CCDC171: variants seen among roughly 807,000 people sequenced by gnomAD.
CCDC171 encodes coiled-coil domain containing 171, also known as coiled-coil domain-containing protein 171.
In CCDC171, 177 loss-of-function variants were observed where a neutral mutation model predicts 168.2. The ratio of observed to expected loss-of-function variants is 1.05; its 90% CI spans 0.93 to 1.19. The LOEUF is 1.19. Among genes scored for constraint, CCDC171 ranks in the 50% most tolerant of loss-of-function variants. The pLI is 0.00. For missense variants in CCDC171, 1,991 were observed against 1,539.0 expected (o/e 1.29, Z -4.91); for synonymous variants, 687 against 540.8 (o/e 1.27, Z -3.75).
At chr9:16,061,559 A>T (rs1314984475), downstream of CCDC171, 2 of 152,208 alleles carry the variant, frequency 1.3e-5, no homozygotes, top group Admixed American at 1.3e-4. Context: ...ATAAGAAAAA[A>T]GTATAACTAA....
Position 15,571,687 on chromosome 9 carries a change from T to C in CCDC171, c.105T>C (p.Thr35=). The change falls in exon 3 of 26, where the codon ACT becomes ACC. Residue 35 remains threonine (T), a synonymous_variant. Coordinates refer to ENST00000380701, the MANE Select transcript of CCDC171 (RefSeq NM_173550.4). ...ILKNETELDI[T]DNLRKKLHWA... is the part of the protein sequence containing the mutation. The stretch of plus-strand genomic sequence containing the variant: ...AAAATGAAACAGAGTTGGATATTAC[T>C]GATAATCTCAGGAAGAAACTCCATT... The C allele has an allele frequency of 6.3e-7, 1 of 1,583,080 alleles. No homozygotes were observed. The highest frequency in any genetic ancestry group is 8.5e-7 in the Non-Finnish European group (1 of 1,169,762).
intron 7 of CCDC171, among the ~76,000 whole-genome samples, chr9:15,646,489 G>A (rs1013495001): frequency 6.6e-6 from 1 of 152,290 alleles, no homozygotes. Flanking sequence ...CCATCAGTGT[G>A]CTGTATTCAG....
intron 3 of CCDC171, among the ~76,000 whole-genome samples, chr9:15,998,543 T>C (rs980423564): frequency 6.6e-5 from 10 of 152,162 alleles, no homozygotes; most frequent in Non-Finnish European, 1.3e-4. Context: ...AAACTATTAG[T>C]CTTTCCAGGA....
chr9:15,554,220 C>T (rs1185839855), intron 1 of CCDC171, among the ~76,000 whole-genome samples: 1 of 152,162 alleles, frequency 6.6e-6, no homozygotes, highest in Non-Finnish European at 1.5e-5. Flanking sequence ...CGGGGTTTCA[C>T]TGTGTTAGCC....
At chr9:15,945,727 G>C (rs1014283776) in intron 25 of CCDC171, among the ~76,000 whole-genome samples, 2 of 150,984 alleles carry the variant, frequency 1.3e-5, no homozygotes, top group Non-Finnish European at 3.0e-5. Context: ...TGATGGGGTT[G>C]TTTGTTTTTT....
intron 1 of CCDC171, among the ~76,000 whole-genome samples, chr9:16,047,291 C>G (rs1009946931): frequency 6.6e-6 from 1 of 152,146 alleles, no homozygotes; most frequent in Admixed American, 6.5e-5. Flanking sequence ...TGGTCTCTTT[C>G]CAGTTGATGG....
At chr9:16,065,790 C>T (rs192364569), downstream of CCDC171, among the ~76,000 whole-genome samples, 5 of 145,060 alleles carry the variant, frequency 3.4e-5, no homozygotes, top group East Asian at 1.0e-3. Flanking sequence ...TCAGCACCCA[C>T]CTATGGGTTT....
chr9:16,107,382 T>C, the CCDC171 span, among the ~76,000 whole-genome samples: 202 of 152,318 alleles, frequency 1.3e-3, 1 homozygote, highest in African/African-American at 4.8e-3. Flanking sequence ...ATCTGAGCTC[T>C]ATATGTAAAA....
intron 18 of CCDC171, among the ~76,000 whole-genome samples, chr9:15,752,561 C>T (rs1039781252): frequency 5.9e-5 from 9 of 152,064 alleles, no homozygotes; most frequent in African/African-American, 2.2e-4. Context: ...TACTATGCAG[C>T]CACAAAAAGG....
chr9:15,746,846 C>T (rs551913370), intron 18 of CCDC171, among the ~76,000 whole-genome samples: 97 of 152,274 alleles, frequency 6.4e-4, no homozygotes, highest in African/African-American at 2.3e-3. Flanking sequence ...CGTTTCCTAG[C>T]CAAGGGAAGC....
At chr9:16,006,442 T>A (rs918285093) in intron 3 of CCDC171, among the ~76,000 whole-genome samples, 2 of 152,244 alleles carry the variant, frequency 1.3e-5, no homozygotes, top group African/African-American at 4.8e-5. Flanking sequence ...TTTCTTTTTA[T>A]TATTATACTT....
At chr9:16,005,931 A>G (rs946244746) in intron 3 of CCDC171, among the ~76,000 whole-genome samples, 1 of 151,900 alleles carries the variant, frequency 6.6e-6, no homozygotes, top group Non-Finnish European at 1.5e-5. Context: ...ATTTTTTGAG[A>G]TGGAGTCTCG....
chr9:15,825,211 G>A (rs1481050767), intron 21 of CCDC171, among the ~76,000 whole-genome samples: 1 of 152,046 alleles, frequency 6.6e-6, no homozygotes, highest in Non-Finnish European at 1.5e-5. Context: ...GATTGCTATA[G>A]TCTCCTGCAT....
At chr9:15,809,961 G>T (rs544948922) in intron 21 of CCDC171, among the ~76,000 whole-genome samples, 1 of 152,220 alleles carries the variant, frequency 6.6e-6, no homozygotes, top group Admixed American at 6.5e-5. Context: ...TGATTGGTCC[G>T]TTTTGACAGG....
At chr9:15,699,163 C>T (rs2051470951) in intron 11 of CCDC171, among the ~76,000 whole-genome samples, 1 of 151,896 alleles carries the variant, frequency 6.6e-6, no homozygotes, top group Admixed American at 6.6e-5. Flanking sequence ...TTTCTTCCTT[C>T]TGGTGGGTTC....
At chr9:15,926,136 G>A (rs1465543722) in intron 25 of CCDC171, among the ~76,000 whole-genome samples, 1 of 151,710 alleles carries the variant, frequency 6.6e-6, no homozygotes, top group East Asian at 1.9e-4. Flanking sequence ...GTGCTGAGAA[G>A]ATAATGTATG....
intron 21 of CCDC171, among the ~76,000 whole-genome samples, chr9:15,786,819 A>C (rs10962157): frequency 0.018 from 2,805 of 151,942 alleles, 103 homozygotes; most frequent in African/African-American, 0.063. Context: ...CTCCAGGACA[A>C]TGGGTCTCAT....
At chr9:15,986,278 A>C (rs535062861) in intron 3 of CCDC171, among the ~76,000 whole-genome samples, 59 of 152,346 alleles carry the variant, frequency 3.9e-4, no homozygotes, top group African/African-American at 1.0e-3. Context: ...CGATGTGAAT[A>C]AACACAAGCT....
intron 18 of CCDC171, among the ~76,000 whole-genome samples, chr9:15,747,440 C>T (rs2055377434): frequency 1.3e-5 from 2 of 152,170 alleles, no homozygotes; most frequent in Non-Finnish European, 2.9e-5. Context: ...CCCTGACCCT[C>T]GTGTAGCCTG....
Sources: gnomAD v4.1 joint callset for allele counts (sites outside exome capture counted in the v4.1 genomes callset) on GRCh38, gnomAD v4.1.1 for gene constraint, MANE v1.5 for transcripts, NCBI Gene and HGNC (gene_info 2026-07-23, HGNC 2026-07-21) for gene names.